Variants in LIMCH1 observed in about 807,000 individuals in gnomAD.
The protein encoded by LIMCH1 is LIM and calponin homology domains-containing protein 1.
In LIMCH1, 113 loss-of-function variants were observed where a neutral mutation model predicts 176.5. That is an observed-to-expected ratio of 0.64 (90% CI 0.55 to 0.75). The LOEUF (loss-of-function observed/expected upper bound fraction) is 0.75, where lower values mean the gene tolerates loss of function less well. Ranked by LOEUF, LIMCH1 falls within the 30% of genes least tolerant of loss-of-function variation. The pLI, the probability that LIMCH1 is intolerant of heterozygous loss-of-function variation, is 0.00. For missense variants in LIMCH1, 1,674 were observed against 1,814.9 expected (o/e 0.92, Z 1.41); for synonymous variants, 619 against 645.9 (o/e 0.96, Z 0.63).
chr4:41,479,472 G>A (rs979119381), intron 1 of LIMCH1, among the ~76,000 whole-genome samples: 1 of 151,992 alleles, frequency 6.6e-6, no homozygotes, highest in Non-Finnish European at 1.5e-5. Flanking sequence ...CAGGCTCGTC[G>A]AATTCTTGGC....
At chr4:41,361,928 CA>C (rs1580997501) in intron 1 of LIMCH1, among the ~76,000 whole-genome samples, 1 of 152,142 alleles carries the variant, frequency 6.6e-6, no homozygotes, top group African/African-American at 2.4e-5. Flanking sequence ...CAGTGACAAG[CA>C]GCCCTCTTTG....
At chr4:41,528,218 AAAGG>A (rs955858016) in intron 3 of LIMCH1, among the ~76,000 whole-genome samples, 2 of 150,652 alleles carry the variant, frequency 1.3e-5, no homozygotes, top group Non-Finnish European at 3.0e-5. Flanking sequence ...AGAAGGAAGG[AAAGG>A]AAGGAAGGAA....
chr4:41,690,405 G>A (rs1390465252), intron 30 of LIMCH1, among the ~76,000 whole-genome samples: 1 of 152,162 alleles, frequency 6.6e-6, no homozygotes, highest in Non-Finnish European at 1.5e-5. Flanking sequence ...AAGTAGGTGA[G>A]TTAACCAGTT....
rs1052417918 is a variant in LIMCH1 at position 41,555,675 on chromosome 4, C to T, written c.-241+17325C>T. 5.3e-5 allele frequency among the ~76,000 whole-genome samples: 8 copies of T among 151,746 alleles called. No individual in the cohort carries two copies. In the South Asian group the frequency reaches 1.5e-3, roughly 28 times the overall value. ...GTAAAACAAACAAGAATTTTTTTTTCTTATATGGTTAGAAAGCAAGTTCTA... is the reference window on the plus strand; with the variant it reads ...GTAAAACAAACAAGAATTTTTTTTTTTTATATGGTTAGAAAGCAAGTTCTA... On this transcript the variant is annotated intron_variant, in intron 1 of 31. Transcript: ENST00000503057.
chr4:41,626,689 T>C lies in LIMCH1; in HGVS notation c.726-19T>C, dbSNP rs961539657. 2.0e-6 allele frequency: 3 copies of C among 1,531,254 alleles called. No homozygotes were observed. In the African/African-American group the frequency reaches 4.1e-5, roughly 21 times the overall value. 94.9% of individuals were successfully genotyped at this position (1,531,254 alleles called of 1,614,324 possible). ...TTGTCTGATCACATGTGGAGTCCCA[T>C]TTAATTTTCCCCTATCAGTCAAAAA... On this transcript the variant is annotated intron_variant, in intron 7 of 31. Coordinates refer to ENST00000503057, the MANE Select transcript of LIMCH1 (RefSeq NM_001330672.2).
At chr4:41,613,416 AGTG>A in intron 4 of LIMCH1, 47 bp from the exon 5 acceptor site, 1 of 1,504,698 alleles carries the variant, frequency 6.6e-7, no homozygotes, top group Admixed American at 1.8e-5. Flanking sequence ...TCTTCCTGAT[AGTG>A]TAGGCTAGAA....
In LIMCH1 at chr4:41,360,946, G is replaced by A. The variant is rs757633723; in HGVS notation, c.96+10G>A. 7.7e-6 allele frequency: 12 copies of A among 1,560,784 alleles called. No homozygotes were observed. Among genetic ancestry groups the A allele is most frequent in the African/African-American group, 5.5e-5 (4 of 72,674 alleles). On this transcript the variant is annotated intron_variant, in intron 1 of 26. Coordinates refer to the LIMCH1 transcript ENST00000313860. The surrounding 1 kb of genome is among the most constrained non-coding windows in gnomAD (Gnocchi z 4.5). ...GCAGAAGTGGATTGAGGTAGGTGCG[G>A]GTGGCTGGCGGGCGGCCTTGCACTG...
At chr4:41,582,592 T>A (rs1258029949) in intron 1 of LIMCH1, among the ~76,000 whole-genome samples, 1 of 152,222 alleles carries the variant, frequency 6.6e-6, no homozygotes, top group Non-Finnish European at 1.5e-5. Flanking sequence ...TTCAACCATT[T>A]ACGTGTGTGC....
In LIMCH1 at chr4:41,685,849, T is replaced by C. The variant is rs1450146047; in HGVS notation, c.4088+19T>C. 2 of 1,605,180 alleles carry C rather than the reference T, an allele frequency of 1.2e-6. No individual in the cohort carries two copies. Among genetic ancestry groups the C allele is most frequent in the Non-Finnish European group, 1.7e-6 (2 of 1,177,032 alleles). The stretch of plus-strand genomic sequence containing the variant: ...GGCGGAAGTGAGTAACCAGACACGA[T>C]GGTTGTGGGATTCCCTTTTTTAAAA... On this transcript the variant is annotated intron_variant, in intron 28 of 31. Coordinates refer to ENST00000503057, the MANE Select transcript of LIMCH1 (RefSeq NM_001330672.2).
At chr4:41,441,998 AG>A (rs1385622886) in intron 1 of LIMCH1, among the ~76,000 whole-genome samples, 2 of 152,170 alleles carry the variant, frequency 1.3e-5, no homozygotes, top group African/African-American at 4.8e-5. Context: ...AGACCACAAA[AG>A]CTGTGATTCT....
chr4:41,371,871 C>T (rs2054013512), intron 1 of LIMCH1, among the ~76,000 whole-genome samples: 1 of 152,190 alleles, frequency 6.6e-6, no homozygotes, highest in African/African-American at 2.4e-5. Flanking sequence ...TTTATAATGT[C>T]GGTTTCTGTA....
At chr4:41,618,228 T>TTCACTTC (rs1362105874) in intron 5 of LIMCH1, among the ~76,000 whole-genome samples, 1 of 152,222 alleles carries the variant, frequency 6.6e-6, no homozygotes, top group Non-Finnish European at 1.5e-5. Flanking sequence ...AAGTGGCCGC[T>TTCACTTC]ACTTATATGG....
At chr4:41,604,500 C>A (rs2090418056) in intron 3 of LIMCH1, among the ~76,000 whole-genome samples, 1 of 152,138 alleles carries the variant, frequency 6.6e-6, no homozygotes, top group Non-Finnish European at 1.5e-5. Flanking sequence ...GCTGAAGCCT[C>A]TTTTTAAAAA....
At chr4:41,631,863 GAAAGAA>G (rs1432227904) in intron 10 of LIMCH1, among the ~76,000 whole-genome samples, 3 of 152,146 alleles carry the variant, frequency 2.0e-5, no homozygotes, top group African/African-American at 7.2e-5. Flanking sequence ...CTTAGAGAGA[GAAAGAA>G]AAAGTTATTA....
intron 17 of LIMCH1, among the ~76,000 whole-genome samples, chr4:41,648,363 T>G (rs1190946672): frequency 6.6e-6 from 1 of 152,138 alleles, no homozygotes; most frequent in Non-Finnish European, 1.5e-5. Context: ...ACTCTGTTCT[T>G]CACCATGGCG....
intron 1 of LIMCH1, among the ~76,000 whole-genome samples, chr4:41,384,538 C>A (rs2056224186): frequency 6.6e-6 from 1 of 152,114 alleles, no homozygotes; most frequent in African/African-American, 2.4e-5. Context: ...ATCACAGAAT[C>A]CTCAGCAGTC....
At chr4:41,635,659 G>A (rs971822351) in intron 13 of LIMCH1, among the ~76,000 whole-genome samples, 5 of 152,172 alleles carry the variant, frequency 3.3e-5, no homozygotes, top group South Asian at 2.1e-4. Flanking sequence ...AAACACTGTC[G>A]GTATGCACAT....
At chr4:41,385,895 G>C (rs543407044) in intron 1 of LIMCH1, 13 of 152,334 alleles carry the variant, frequency 8.5e-5, no homozygotes, top group African/African-American at 3.1e-4. Flanking sequence ...GGAGCCAACT[G>C]TAAGTGTCAA....
chr4:41,499,687 G>T (rs543629625), intron 2 of LIMCH1, among the ~76,000 whole-genome samples: 1 of 152,114 alleles, frequency 6.6e-6, no homozygotes, highest in Non-Finnish European at 1.5e-5. Context: ...GCGTGGTGGC[G>T]CATGCCTCTA....
Sources: gnomAD v4.1 joint callset for allele counts (sites outside exome capture counted in the v4.1 genomes callset) on GRCh38, gnomAD v4.1.1 for gene constraint, Gnocchi (gnomAD v3.1) non-coding constraint, MANE v1.5 for transcripts, NCBI Gene and HGNC (gene_info 2026-07-23, HGNC 2026-07-21) for gene names.